Variants in FAM13A observed in about 807,000 individuals in gnomAD.
FAM13A encodes family with sequence similarity 13 member A.
Under a neutral mutation model 129.6 loss-of-function variants are expected in FAM13A, and 76 were observed. The observed-to-expected ratio is 0.59, with a 90% CI of 0.49 to 0.71. The LOEUF is 0.71. Among genes scored for constraint, FAM13A ranks in the 30% least tolerant of loss-of-function variants. The probability of loss-of-function intolerance (pLI) is 0.00; values close to 1 mark genes in which losing one functional copy is unlikely to be tolerated. For synonymous variants in FAM13A, 443 were observed against 449.9 expected, an observed-to-expected ratio of 0.98 and a Z score of 0.20; for missense variants, 1,108 against 1,249.3, an observed-to-expected ratio of 0.89 and a Z score of 1.70.
At chr4:88,757,016 T>C (rs1014837571) in intron 14 of FAM13A, among the ~76,000 whole-genome samples, 2 of 152,184 alleles carry the variant, frequency 1.3e-5, no homozygotes, top group African/African-American at 2.4e-5. Context: ...CCCAAGCCTA[T>C]TGAAATGCAA....
At chr4:88,889,232 G>A (rs1438770577) in intron 6 of FAM13A, among the ~76,000 whole-genome samples, 1 of 152,208 alleles carries the variant, frequency 6.6e-6, no homozygotes, top group Non-Finnish European at 1.5e-5. Flanking sequence ...TTTGTATACT[G>A]CTGAAGTGTG....
At chr4:88,980,804 A>G (rs1215046267) in intron 4 of FAM13A, among the ~76,000 whole-genome samples, 10 of 152,236 alleles carry the variant, frequency 6.6e-5, no homozygotes, top group Non-Finnish European at 1.5e-4. Context: ...AAATGACAGC[A>G]ACATTATAAT....
At chr4:88,913,505 AGAGGAAGAAGAGGAGGAG>A (rs1415437067) in intron 5 of FAM13A, among the ~76,000 whole-genome samples, 3 of 147,020 alleles carry the variant, frequency 2.0e-5, no homozygotes, top group Non-Finnish European at 4.5e-5. Context: ...AGGAAGAGGA[AGAGGAAGAAGAGGAGGAG>A]GAGGAAGAAG....
chr4:88,943,609 C>A (rs1199116938), intron 4 of FAM13A, among the ~76,000 whole-genome samples: 5 of 152,204 alleles, frequency 3.3e-5, no homozygotes, highest in Non-Finnish European at 1.5e-5. Context: ...CAACTGTGAT[C>A]TTAAAGCATG....
At chr4:89,024,342 G>C (rs921678288) in intron 2 of FAM13A, among the ~76,000 whole-genome samples, 1 of 152,100 alleles carries the variant, frequency 6.6e-6, no homozygotes, top group African/African-American at 2.4e-5. Context: ...GAAAGAAGCC[G>C]TTAACATTGT....
At chr4:88,933,662 T>G (rs2148793283) in intron 5 of FAM13A, among the ~76,000 whole-genome samples, 1 of 152,290 alleles carries the variant, frequency 6.6e-6, no homozygotes, top group Admixed American at 6.5e-5. Context: ...TACCTCCTTT[T>G]GTATTGCTGT....
rs548954758 is a variant in FAM13A, at chr4:88,773,435, G to C, written c.1459-5376C>G. Among the ~76,000 whole-genome samples, 116 of 152,266 alleles carry C rather than the reference G, an allele frequency of 7.6e-4. 1 individual carries two copies. The Middle Eastern group carries it at 0.024, about 31-fold the overall frequency. On this transcript the variant is annotated intron_variant, in intron 11 of 23. Coordinates refer to ENST00000264344, the MANE Select transcript of FAM13A (RefSeq NM_014883.4). ...CTCCCATCAAGGTAGCTGTGGGTTA[G>C]CTAGATATATGTGAAGTTATCACTC...
chr4:88,924,577 T>G (rs920693415), intron 5 of FAM13A, among the ~76,000 whole-genome samples: 44 of 152,096 alleles, frequency 2.9e-4, no homozygotes, highest in Admixed American at 1.7e-3. Context: ...AGACTTAAAC[T>G]TTAGACCTAA....
chr4:88,757,130 A>G (rs1196142413), intron 14 of FAM13A, among the ~76,000 whole-genome samples: 1 of 152,170 alleles, frequency 6.6e-6, no homozygotes, highest in African/African-American at 2.4e-5. Context: ...CTTTATGTTA[A>G]TAAAATAGTT....
In FAM13A at chr4:88,731,383, T is replaced by A. The variant is rs768399312; in HGVS notation, c.2889A>T (p.Lys963Asn). The A allele has an allele frequency of 8.1e-6, 13 of 1,607,668 alleles. No individual in the cohort carries two copies. In the Admixed American group the frequency reaches 1.5e-4, roughly 19 times the overall value. ...AATCCCGAAGTTTCTTTCGAATCCTTTTCTTTTCTTCTCTCATTTCCTGGA... is the reference window on the plus strand; with the variant it reads ...AATCCCGAAGTTTCTTTCGAATCCTATTCTTTTCTTCTCTCATTTCCTGGA... ...EHLQEMREEK[K>N]RIRKKLRDFE... Residue 963 changes from lysine (K) to asparagine (N), a missense_variant, in exon 23 of 24, where the codon AAA (lysine) becomes AAT (asparagine). Transcript: ENST00000264344.
chr4:88,840,379 G>A (rs893639158), intron 7 of FAM13A, among the ~76,000 whole-genome samples: 3 of 152,160 alleles, frequency 2.0e-5, no homozygotes, highest in Non-Finnish European at 4.4e-5. Flanking sequence ...GAGGAATATG[G>A]TTTCTAGAGA....
chr4:88,880,745 A>C (rs922721835), intron 6 of FAM13A, among the ~76,000 whole-genome samples: 2 of 129,332 alleles, frequency 1.5e-5, no homozygotes, highest in Admixed American at 1.7e-4. Flanking sequence ...GCTGCCTGGA[A>C]ATAAACTCAG....
At chr4:89,009,789 T>A (rs772647110) in intron 3 of FAM13A, among the ~76,000 whole-genome samples, 1 of 151,570 alleles carries the variant, frequency 6.6e-6, no homozygotes, top group African/African-American at 2.4e-5. Flanking sequence ...CCAGGGAGAG[T>A]GAAGAAGACC....
intron 6 of FAM13A, among the ~76,000 whole-genome samples, chr4:88,873,557 C>A (rs1474078111): frequency 6.6e-6 from 1 of 152,176 alleles, no homozygotes; most frequent in Non-Finnish European, 1.5e-5. Context: ...TGGATAAATT[C>A]TTGGACACAT....
chr4:88,947,408 A>AAAC (rs563157432), intron 4 of FAM13A, among the ~76,000 whole-genome samples: 12 of 152,308 alleles, frequency 7.9e-5, no homozygotes, highest in African/African-American at 2.4e-4. Context: ...AACTGTCTCA[A>AAAC]AACAACAACA....
At chr4:89,007,910 G>A (rs1215128935) in intron 3 of FAM13A, among the ~76,000 whole-genome samples, 2 of 151,982 alleles carry the variant, frequency 1.3e-5, no homozygotes, top group African/African-American at 2.4e-5. Flanking sequence ...GTCACCTAAC[G>A]GCACCCATTA....
chr4:89,005,283 A>G (rs1020002847), intron 3 of FAM13A, among the ~76,000 whole-genome samples: 1 of 152,096 alleles, frequency 6.6e-6, no homozygotes, highest in Non-Finnish European at 1.5e-5. Context: ...TCCATGGTGT[A>G]TATGTATTAT....
At chr4:88,815,208 G>T (rs1730487182) in intron 7 of FAM13A, among the ~76,000 whole-genome samples, 1 of 151,888 alleles carries the variant, frequency 6.6e-6, no homozygotes, top group Non-Finnish European at 1.5e-5. Context: ...GTCTTTAAAG[G>T]TATTATAAAA....
intron 6 of FAM13A, among the ~76,000 whole-genome samples, chr4:88,868,206 T>C (rs1740769425): frequency 6.6e-6 from 1 of 152,160 alleles, no homozygotes; most frequent in South Asian, 2.1e-4. Context: ...TTCATGCTGG[T>C]CTTAGCACTT....
Sources: allele counts gnomAD v4.1 joint callset (sites outside exome capture counted in the v4.1 genomes callset), GRCh38; gene constraint gnomAD v4.1.1; transcripts MANE v1.5; gene names NCBI Gene and HGNC (gene_info 2026-07-23, HGNC 2026-07-21).